Variants in CS observed in about 807,000 individuals in gnomAD.
CS encodes the protein citrate synthase.
CS carries 13 observed loss-of-function variants against 61.4 expected under a neutral mutation model. That is an observed-to-expected ratio of 0.21 (90% CI 0.14 to 0.34). CS has a LOEUF of 0.34. Ranked by LOEUF, CS falls within the 10% of genes least tolerant of loss-of-function variation. CS has a pLI of 1.00. For synonymous variants in CS, 159 were observed against 215.2 expected (o/e 0.74, Z 2.29); for missense variants, 278 against 573.4 (o/e 0.48, Z 5.26).
chr12:56,295,128 A>G (rs1255459091), intron 1 of CS, among the ~76,000 whole-genome samples: 2 of 149,996 alleles, frequency 1.3e-5, no homozygotes, highest in Non-Finnish European at 3.0e-5. Flanking sequence ...AGGTCTTGCT[A>G]TGTTGCCAGG....
At chr12:56,296,465 G>C (rs533697399) in intron 1 of CS, among the ~76,000 whole-genome samples, 1 of 152,020 alleles carries the variant, frequency 6.6e-6, no homozygotes, top group East Asian at 1.9e-4. Flanking sequence ...AGAGAACTAA[G>C]GAACTTGTGC....
intron 6 of CS, among the ~76,000 whole-genome samples, chr12:56,281,226 G>C (rs887598946): frequency 1.3e-5 from 2 of 152,186 alleles, no homozygotes; most frequent in Non-Finnish European, 2.9e-5. Flanking sequence ...ACATTCTCCT[G>C]TAAACCTAGC....
intron 1 of CS, among the ~76,000 whole-genome samples, chr12:56,291,014 C>T (rs78121408): frequency 0.046 from 6,984 of 152,288 alleles, 224 homozygotes; most frequent in Non-Finnish European, 0.069. Context: ...GTTCTGCCAC[C>T]TTCCCACTGT....
chr12:56,290,455 C>T (rs1269309488), intron 1 of CS, among the ~76,000 whole-genome samples: 2 of 151,056 alleles, frequency 1.3e-5, no homozygotes, highest in East Asian at 3.9e-4. Context: ...TCGTGATCCA[C>T]CACCTCGGCC....
chr12:56,291,625 A>G (rs992188078), intron 1 of CS: 1 of 152,372 alleles, frequency 6.6e-6, no homozygotes, highest in South Asian at 2.1e-4. Flanking sequence ...CAGGTAGATT[A>G]CAAACCTCTG....
intron 9 of CS, chr12:56,274,002 T>A: frequency 1.9e-6 from 1 of 521,392 alleles, no homozygotes; most frequent in Non-Finnish European, 3.5e-6. Context: ...TCTGGCTTTT[T>A]TTTTTTTTTT....
intron 2 of CS, 33 bp downstream of exon 2, chr12:56,286,562 T>C (rs1872944460): frequency 1.2e-6 from 2 of 1,609,410 alleles, no homozygotes; most frequent in Admixed American, 1.7e-5. Context: ...GCCGCAATGA[T>C]TCTTATTCTT....
chr12:56,273,694 T>G lies in CS; in HGVS notation c.1123A>C (p.Lys375Gln). The G allele has an allele frequency of 1.2e-6, 2 of 1,614,122 alleles. No individual in the cohort carries two copies. Among genetic ancestry groups the G allele is most frequent in the East Asian group, 4.5e-5 (2 of 44,878 alleles). ...LKHLPNDPMF[K>Q]LVAQLYKIVP... ...ATCTTGTACAGCTGAGCAACCAACT[T>G]AAACATGGGGTCATTAGGCAGGTGT... The change falls in exon 10 of 11, where the codon AAG (lysine) becomes CAG (glutamine). Residue 375 changes from lysine to glutamine, a missense_variant. Lys to Gln is a moderately conservative substitution (Grantham distance 53). Coordinates refer to ENST00000351328, the MANE Select transcript of CS (RefSeq NM_004077.3).
rs745830524 is a variant in CS, at chr12:56,273,131, T to C, written c.1354A>G (p.Met452Val). The change falls in exon 11 of 11, where the codon ATG becomes GTG. Residue 452 changes from methionine to valine, a missense_variant. By Grantham distance (21) the Met-to-Val change is conservative (BLOSUM62 1). Coordinates refer to ENST00000351328, the MANE Select transcript of CS (RefSeq NM_004077.3). ...AACTTCATCAGACCCTCTGTGCTCA[T>C]GGACTTGGGCCTTTCTAGAGGGAAG... ...LGFPLERPKS[M>V]STEGLMKFVD... 3 of 1,613,782 alleles carry C rather than the reference T, an allele frequency of 1.9e-6. No individual in the cohort carries two copies. Among genetic ancestry groups the C allele is most frequent in the Non-Finnish European group, 2.5e-6 (3 of 1,179,828 alleles).
chr12:56,292,251 A>C (rs1873148757), intron 1 of CS, among the ~76,000 whole-genome samples: 1 of 151,706 alleles, frequency 6.6e-6, no homozygotes, highest in South Asian at 2.1e-4. Flanking sequence ...ACAAAAAATT[A>C]GCCAGGTGTG....
intron 1 of CS, chr12:56,291,241 G>A: frequency 8.7e-7 from 1 of 1,147,478 alleles, no homozygotes; most frequent in Non-Finnish European, 1.1e-6. Context: ...AGAACTTCCT[G>A]GGAGTTGGAT....
chr12:56,283,137 G>T, intron 4 of CS, 146 bp from the exon 5 acceptor site: 2 of 900,354 alleles, frequency 2.2e-6, no homozygotes, highest in African/African-American at 1.7e-5. Context: ...TTGCTATGTT[G>T]CTCAGACTGG....
At chr12:56,298,560 G>A in intron 1 of CS, 1 of 911,872 alleles carries the variant, frequency 1.1e-6, no homozygotes, top group South Asian at 5.0e-5. Context: ...CCCCCATTCT[G>A]CCAAAACGCT....
chr12:56,283,741 G>A (rs773770504), intron 4 of CS, 51 bp downstream of exon 4: 50 of 1,402,012 alleles, frequency 3.6e-5, no homozygotes, highest in Admixed American at 8.5e-5. Flanking sequence ...CACGGTTTGC[G>A]TATTTGCACA....
rs185856411 is a variant in CS, at chr12:56,297,071, A to G, written c.42+3089T>C. Among the ~76,000 whole-genome samples the G allele has an allele frequency of 3.3e-5, 5 of 152,340 alleles. No homozygotes were observed. In the South Asian group the frequency reaches 1.0e-3, roughly 32 times the overall value. ...CCTTTGCATTTAAGTGTCTTGAAAA[A>G]GTCTAGAAGTAATCTAGAAACATCT... On this transcript the variant is annotated intron_variant, in intron 1 of 10. Coordinates refer to ENST00000351328, the MANE Select transcript of CS (RefSeq NM_004077.3).
intron 1 of CS, among the ~76,000 whole-genome samples, chr12:56,298,090 C>CT (rs1216407806): frequency 6.6e-6 from 1 of 152,168 alleles, no homozygotes; most frequent in Admixed American, 6.5e-5. Flanking sequence ...CATCCGCCTC[C>CT]TGGGTTTGAG....
chr12:56,273,552 C>G (rs1421016474), intron 10 of CS, 35 bp downstream of exon 10: 3 of 1,601,076 alleles, frequency 1.9e-6, no homozygotes, highest in Non-Finnish European at 2.6e-6. Context: ...GGGTTTGGTA[C>G]AAATTAGAGG....
intron 1 of CS, among the ~76,000 whole-genome samples, chr12:56,294,669 C>A (rs545111996): frequency 1.3e-5 from 2 of 150,130 alleles, no homozygotes; most frequent in Non-Finnish European, 3.0e-5. Flanking sequence ...TGGGTTCAAG[C>A]GATTCTCCTG....
At chr12:56,290,461 C>T (rs374725930) in intron 1 of CS, among the ~76,000 whole-genome samples, 8 of 152,124 alleles carry the variant, frequency 5.3e-5, no homozygotes, top group Non-Finnish European at 1.0e-4. Flanking sequence ...TCCACCACCT[C>T]GGCCTCCCAA....
Sources: allele counts gnomAD v4.1 joint callset (sites outside exome capture counted in the v4.1 genomes callset), GRCh38; gene constraint gnomAD v4.1.1; transcripts MANE v1.5; gene names NCBI Gene and HGNC (gene_info 2026-07-23, HGNC 2026-07-21).